The following GLCCI1 variants were observed in gnomAD, a reference collection of about 807,000 sequenced individuals.
GLCCI1 encodes the protein glucocorticoid induced 1.
In GLCCI1, 24 loss-of-function variants were observed where a neutral mutation model predicts 52.2. That is an observed-to-expected ratio of 0.46 (90% CI 0.33 to 0.65). GLCCI1 has a LOEUF of 0.65. GLCCI1 is among the 30% of genes least tolerant of loss of function. GLCCI1 has a pLI of 0.02. For synonymous variants in GLCCI1, 310 were observed against 276.5 expected, an observed-to-expected ratio of 1.12 and a Z score of -1.20; for missense variants, 704 against 701.5, an observed-to-expected ratio of 1.00 and a Z score of -0.04.
chr7:8,006,623 G>A (rs576501311), intron 2 of GLCCI1, among the ~76,000 whole-genome samples: 11 of 152,274 alleles, frequency 7.2e-5, no homozygotes, highest in Middle Eastern at 3.4e-3. Context: ...CTATATGTAC[G>A]TAAGTTAAAT....
At chr7:7,999,452 T>A (rs755376566) in intron 1 of GLCCI1, among the ~76,000 whole-genome samples, 3 of 151,336 alleles carry the variant, frequency 2.0e-5, no homozygotes, top group Non-Finnish European at 4.4e-5. Context: ...CATAAAAAAT[T>A]TAAAAATTAG....
At chr7:8,047,792 G>T (rs1013634826) in intron 3 of GLCCI1, among the ~76,000 whole-genome samples, 1 of 152,184 alleles carries the variant, frequency 6.6e-6, no homozygotes. Context: ...AGTGACAGAA[G>T]TTCTTCTGCC....
chr7:8,012,295 C>G (rs1053886960), intron 2 of GLCCI1, among the ~76,000 whole-genome samples: 1 of 151,874 alleles, frequency 6.6e-6, no homozygotes, highest in East Asian at 1.9e-4. Flanking sequence ...AATGTCTATT[C>G]AAGTCCTTTG....
intron 1 of GLCCI1, among the ~76,000 whole-genome samples, chr7:8,003,508 A>C (rs1197122337): frequency 1.3e-5 from 2 of 152,226 alleles, no homozygotes; most frequent in Admixed American, 1.3e-4. Context: ...AATTAAAGAC[A>C]ATGACTAACC....
intron 3 of GLCCI1, among the ~76,000 whole-genome samples, chr7:8,032,416 A>G (rs983639898): frequency 2.6e-5 from 4 of 152,000 alleles, no homozygotes; most frequent in African/African-American, 9.6e-5. Context: ...AAGAATAAGC[A>G]AAACCAATGA....
intron 1 of GLCCI1, among the ~76,000 whole-genome samples, chr7:8,002,128 T>G (rs1781062005): frequency 6.6e-6 from 1 of 152,032 alleles, no homozygotes; most frequent in African/African-American, 2.4e-5. Context: ...AATCTATATG[T>G]GCTAAATAAT....
chr7:8,077,048 A>T (rs1452882343), intron 6 of GLCCI1, among the ~76,000 whole-genome samples: 1 of 152,200 alleles, frequency 6.6e-6, no homozygotes, highest in Non-Finnish European at 1.5e-5. Flanking sequence ...TTTTGGTGGG[A>T]AAGAGGCCAT....
chr7:8,026,539 G>T (rs1035073636), intron 3 of GLCCI1, among the ~76,000 whole-genome samples: 1 of 152,264 alleles, frequency 6.6e-6, no homozygotes, highest in Non-Finnish European at 1.5e-5. Flanking sequence ...GGCCAGGAGA[G>T]AGAGTCTTGA....
At chr7:8,073,965 A>G (rs996792046) in intron 6 of GLCCI1, among the ~76,000 whole-genome samples, 1 of 152,208 alleles carries the variant, frequency 6.6e-6, no homozygotes, top group Non-Finnish European at 1.5e-5. Context: ...ATCAAATACC[A>G]TCTTTATAAA....
chr7:7,969,983 G>T lies in GLCCI1; in HGVS notation c.457+176G>T. 1.1e-6 allele frequency: 1 copy of T among 875,556 alleles called. No homozygotes were observed. The allele number at this position is 875,556 out of a possible 1,614,324, so 54.2% of individuals were successfully genotyped here. On this transcript the variant is annotated intron_variant, in intron 1 of 7. Coordinates refer to ENST00000223145, the MANE Select transcript of GLCCI1 (RefSeq NM_138426.4). This position sits in a 1 kb window ranked among gnomAD's most constrained non-coding sequence, Gnocchi z 4.9. ...GGGGCTTGGAGGAGCGAACTGAAAA[G>T]CGACTTTTATTTGACCCTCATGCCG...
chr7:8,084,643 G>A (rs534762258), intron 6 of GLCCI1: 5 of 385,604 alleles, frequency 1.3e-5, no homozygotes, highest in Non-Finnish European at 1.9e-5. Flanking sequence ...TTACAGCTCT[G>A]TTGTATTCAA....
intron 3 of GLCCI1, among the ~76,000 whole-genome samples, chr7:8,045,634 G>T (rs1473741433): frequency 6.6e-6 from 1 of 152,156 alleles, no homozygotes; most frequent in Non-Finnish European, 1.5e-5. Flanking sequence ...GACACTGTTG[G>T]TATTTTCCTG....
At chr7:8,064,146 C>A (rs192729671) in intron 5 of GLCCI1, among the ~76,000 whole-genome samples, 4 of 152,238 alleles carry the variant, frequency 2.6e-5, no homozygotes, top group Admixed American at 2.6e-4. Flanking sequence ...GTTGCAGTTG[C>A]TTTTGGCATC....
intron 1 of GLCCI1, among the ~76,000 whole-genome samples, chr7:7,992,561 A>C (rs986155912): frequency 2.4e-4 from 37 of 151,994 alleles, no homozygotes; most frequent in African/African-American, 8.7e-4. Context: ...TGATATGTTG[A>C]TTATTTTCCC....
Position 8,011,909 on chromosome 7 carries a change from G to A in GLCCI1, c.609+7850G>A, listed in dbSNP as rs532170916. ...TGGCTCACTGCAAGCTCTGCCTCCCGGGTTCACGCCATTCTCCTGCCTCAG... is the reference window on the plus strand; with the variant it reads ...TGGCTCACTGCAAGCTCTGCCTCCCAGGTTCACGCCATTCTCCTGCCTCAG... On this transcript the variant is annotated intron_variant, in intron 2 of 7. Coordinates refer to ENST00000223145, the MANE Select transcript of GLCCI1 (RefSeq NM_138426.4). Among the ~76,000 whole-genome samples, 105 of 151,788 alleles carry A rather than the reference G, an allele frequency of 6.9e-4. 1 individual carries two copies. The South Asian group carries it at 0.022, about 31-fold the overall frequency.
intron 1 of GLCCI1, among the ~76,000 whole-genome samples, chr7:8,003,041 A>G (rs1467500366): frequency 6.6e-6 from 1 of 152,250 alleles, no homozygotes; most frequent in East Asian, 1.9e-4. Flanking sequence ...GTTGAATTAA[A>G]ATATAAAGTT....
At chr7:8,001,325 TG>T (rs1403437938) in intron 1 of GLCCI1, among the ~76,000 whole-genome samples, 1 of 152,244 alleles carries the variant, frequency 6.6e-6, no homozygotes, top group Admixed American at 6.5e-5. Flanking sequence ...TATGAAATTC[TG>T]GGTTGAAAGT....
intron 1 of GLCCI1, among the ~76,000 whole-genome samples, chr7:7,996,607 A>G (rs1247067131): frequency 2.0e-5 from 3 of 152,208 alleles, no homozygotes; most frequent in South Asian, 4.1e-4. Flanking sequence ...GTCATTTGAC[A>G]TAAGTTTATT....
chr7:8,045,549 A>T (rs1258833399), intron 3 of GLCCI1, among the ~76,000 whole-genome samples: 2 of 152,226 alleles, frequency 1.3e-5, no homozygotes, highest in East Asian at 3.8e-4. Flanking sequence ...CTCTCTGTAT[A>T]AAAGTAGGGA....
Sources: allele counts gnomAD v4.1 joint callset (sites outside exome capture counted in the v4.1 genomes callset), GRCh38; gene constraint gnomAD v4.1.1; non-coding constraint Gnocchi (gnomAD v3.1); transcripts MANE v1.5; gene names NCBI Gene and HGNC (gene_info 2026-07-23, HGNC 2026-07-21).